Variants in CDH18 observed in about 807,000 individuals in gnomAD.
CDH18 encodes the protein cadherin-18.
A neutral mutation model predicts 67.9 loss-of-function variants in CDH18; 31 were observed. The observed-to-expected ratio is 0.46, with a 90% CI of 0.34 to 0.62. The LOEUF is 0.62. Ranked by LOEUF, CDH18 falls within the 20% of genes least tolerant of loss-of-function variation. CDH18 has a pLI of 0.01. For synonymous variants in CDH18, 362 were observed against 347.2 expected, an observed-to-expected ratio of 1.04 and a Z score of -0.48; for missense variants, 890 against 975.5, an observed-to-expected ratio of 0.91 and a Z score of 1.17.
intron 1 of CDH18, among the ~76,000 whole-genome samples, chr5:20,511,567 A>G (rs1282479374): frequency 6.6e-6 from 1 of 152,194 alleles, no homozygotes; most frequent in Non-Finnish European, 1.5e-5. Context: ...CAGTGAATGG[A>G]ATTATATTCA....
intron 2 of CDH18, among the ~76,000 whole-genome samples, chr5:20,121,592 G>A (rs928326057): frequency 2.6e-5 from 4 of 152,080 alleles, no homozygotes; most frequent in Non-Finnish European, 2.9e-5. Context: ...ATTATTACCC[G>A]TTAGCTTGCA....
At chr5:19,668,418 A>G (rs1408460683) in intron 5 of CDH18, among the ~76,000 whole-genome samples, 1 of 152,082 alleles carries the variant, frequency 6.6e-6, no homozygotes, top group Non-Finnish European at 1.5e-5. Flanking sequence ...ACATCCGCTT[A>G]TATTAAAAGT....
intron 5 of CDH18, among the ~76,000 whole-genome samples, chr5:19,634,739 A>T (rs1404384074): frequency 6.6e-6 from 1 of 151,948 alleles, no homozygotes; most frequent in African/African-American, 2.4e-5. Context: ...GGAGTTCGAG[A>T]CCACCTTGAC....
intron 2 of CDH18, among the ~76,000 whole-genome samples, chr5:20,109,714 TTTAA>T (rs1396525664): frequency 1.3e-5 from 2 of 152,256 alleles, no homozygotes; most frequent in Non-Finnish European, 2.9e-5. Flanking sequence ...TTTTTGCTTA[TTTAA>T]TTGTTTTTGT....
chr5:19,973,602 G>A (rs1257879188), intron 2 of CDH18, among the ~76,000 whole-genome samples: 3 of 152,146 alleles, frequency 2.0e-5, no homozygotes, highest in Non-Finnish European at 2.9e-5. Flanking sequence ...AAGTTGGCTA[G>A]TGTGATGGAG....
At chr5:19,648,243 C>T (rs575863538) in intron 5 of CDH18, among the ~76,000 whole-genome samples, 2 of 151,992 alleles carry the variant, frequency 1.3e-5, no homozygotes, top group South Asian at 2.1e-4. Flanking sequence ...GTTGAAAAAC[C>T]GTCTCTACTA....
chr5:20,216,127 A>G (rs1311258468), intron 2 of CDH18, among the ~76,000 whole-genome samples: 1 of 151,852 alleles, frequency 6.6e-6, no homozygotes, highest in Non-Finnish European at 1.5e-5. Flanking sequence ...AATTTAAAAT[A>G]AAAGTTAAAA....
intron 8 of CDH18, among the ~76,000 whole-genome samples, chr5:19,551,722 G>A (rs76132321): frequency 1.3e-5 from 2 of 152,214 alleles, no homozygotes; most frequent in Non-Finnish European, 2.9e-5. Flanking sequence ...GTAAGTACTG[G>A]TTGTTTCTTT....
intron 2 of CDH18, among the ~76,000 whole-genome samples, chr5:19,849,201 TG>T (rs1176947912): frequency 1.3e-5 from 2 of 152,004 alleles, no homozygotes; most frequent in Non-Finnish European, 2.9e-5. Flanking sequence ...CTCAGTGGAA[TG>T]GTCAGGACTG....
intron 1 of CDH18, among the ~76,000 whole-genome samples, chr5:20,509,209 A>T (rs1276759995): frequency 6.6e-6 from 1 of 152,024 alleles, no homozygotes; most frequent in African/African-American, 2.4e-5. Flanking sequence ...CCCTAACAGA[A>T]ATTTTGTATC....
chr5:20,363,233 C>T (rs1000135380), intron 1 of CDH18, among the ~76,000 whole-genome samples: 8 of 150,902 alleles, frequency 5.3e-5, no homozygotes, highest in Non-Finnish European at 3.0e-5. Context: ...GCCTGTAATC[C>T]CAGCACTTTG....
At chr5:20,357,384 T>G (rs988859655) in intron 1 of CDH18, among the ~76,000 whole-genome samples, 1 of 152,114 alleles carries the variant, frequency 6.6e-6, no homozygotes, top group Non-Finnish European at 1.5e-5. Context: ...AACACACACA[T>G]AAGCCAAATG....
intron 11 of CDH18, among the ~76,000 whole-genome samples, chr5:19,497,154 C>CA (rs1472071937): frequency 6.6e-6 from 1 of 150,386 alleles, no homozygotes; most frequent in Non-Finnish European, 1.5e-5. Flanking sequence ...GGCAAACAAA[C>CA]AAAAAACTGG....
intron 2 of CDH18, among the ~76,000 whole-genome samples, chr5:19,963,751 A>G (rs1228609466): frequency 6.6e-6 from 1 of 151,984 alleles, no homozygotes; most frequent in Non-Finnish European, 1.5e-5. Context: ...ATGAGAATGG[A>G]CAAATAAAGT....
intron 2 of CDH18, among the ~76,000 whole-genome samples, chr5:20,006,331 C>T (rs1332331409): frequency 5.9e-5 from 9 of 151,470 alleles, no homozygotes; most frequent in Non-Finnish European, 1.2e-4. Context: ...TTTTTTCACA[C>T]GTTATGAGAA....
chr5:19,646,138 T>C (rs779856216), intron 5 of CDH18, among the ~76,000 whole-genome samples: 3 of 151,350 alleles, frequency 2.0e-5, no homozygotes, highest in Non-Finnish European at 2.9e-5. Context: ...GTTGAGAAGG[T>C]TTATTGGTGA....
chr5:20,111,928 G>A (rs1747515955), intron 2 of CDH18, among the ~76,000 whole-genome samples: 1 of 152,128 alleles, frequency 6.6e-6, no homozygotes, highest in Non-Finnish European at 1.5e-5. Flanking sequence ...ACACTTGTCA[G>A]TAAAGTAGTG....
chr5:19,832,568 T>C (rs1561397788), intron 3 of CDH18, among the ~76,000 whole-genome samples: 1 of 152,074 alleles, frequency 6.6e-6, no homozygotes, highest in East Asian at 1.9e-4. Flanking sequence ...TGCTATGAAA[T>C]TTCTTTTGGC....
chr5:19,559,925 C>CAAAAAAAAAAAAAAAA (rs766058553), intron 8 of CDH18, among the ~76,000 whole-genome samples: 1 of 145,308 alleles, frequency 6.9e-6, no homozygotes, highest in Non-Finnish European at 1.5e-5. Flanking sequence ...CAAAAACAAA[C>CAAAAAAAAAAAAAAAA]AAAAAAAAAA....
Sources: gnomAD v4.1 joint callset for allele counts (sites outside exome capture counted in the v4.1 genomes callset) on GRCh38, gnomAD v4.1.1 for gene constraint, MANE v1.5 for transcripts, NCBI Gene and HGNC (gene_info 2026-07-23, HGNC 2026-07-21) for gene names.